The following OTUD7A variants were observed in gnomAD, a reference collection of about 807,000 sequenced individuals.
OTUD7A encodes OTU deubiquitinase 7A.
OTUD7A carries 12 observed loss-of-function variants against 65.7 expected under a neutral mutation model. That is an observed-to-expected ratio of 0.18 (90% CI 0.12 to 0.30). OTUD7A has a LOEUF of 0.30. OTUD7A is among the 10% of genes least tolerant of loss of function. The pLI is 1.00. For missense variants in OTUD7A, 1,148 were observed against 1,304.8 expected, an observed-to-expected ratio of 0.88 and a Z score of 1.85; for synonymous variants, 641 against 586.3, an observed-to-expected ratio of 1.09 and a Z score of -1.35.
chr15:31,527,048 G>T, intron 7 of OTUD7A, 133 bp downstream of exon 7: 1 of 1,343,488 alleles, frequency 7.4e-7, no homozygotes, highest in Non-Finnish European at 1.0e-6. Context: ...AGACTTTCCT[G>T]ATCCCAGGGG....
intron 3 of OTUD7A, among the ~76,000 whole-genome samples, chr15:31,610,615 ATATTTTTTT>A (rs1283182552): frequency 1.8e-4 from 6 of 32,848 alleles, no homozygotes; most frequent in African/African-American, 8.7e-4. Context: ...ATATATATAT[ATATTTTTTT>A]TTTTTTTTTT....
intron 1 of OTUD7A, among the ~76,000 whole-genome samples, chr15:31,851,885 G>T (rs1009119986): frequency 6.6e-6 from 1 of 152,174 alleles, no homozygotes; most frequent in Non-Finnish European, 1.5e-5. Flanking sequence ...TTGAGACAGG[G>T]TGTCGCTCTG....
At chr15:31,655,071 G>A in intron 3 of OTUD7A, 25 bp downstream of exon 3, 1 of 1,610,726 alleles carries the variant, frequency 6.2e-7, no homozygotes, top group South Asian at 1.1e-5. Context: ...GAATGGTGGT[G>A]TGGGGAACAA....
intron 5 of OTUD7A, among the ~76,000 whole-genome samples, chr15:31,543,382 AAACACC>A (rs1888040568): frequency 6.6e-6 from 1 of 151,904 alleles, no homozygotes; most frequent in African/African-American, 2.4e-5. Context: ...AGGAGAGAAT[AAACACC>A]ACATTGAATG....
chr15:31,824,557 GAA>G (rs753708947), intron 1 of OTUD7A, among the ~76,000 whole-genome samples: 9 of 152,154 alleles, frequency 5.9e-5, no homozygotes, highest in Non-Finnish European at 1.0e-4. Context: ...AAAACATTAT[GAA>G]AAGTCTTGAA....
intron 1 of OTUD7A, among the ~76,000 whole-genome samples, chr15:31,771,871 T>A (rs1895244065): frequency 6.6e-6 from 1 of 152,168 alleles, no homozygotes; most frequent in Non-Finnish European, 1.5e-5. Context: ...CTCATCCATG[T>A]TGTCTTGATG....
chr15:31,528,253 G>C (rs146385235), intron 6 of OTUD7A, among the ~76,000 whole-genome samples: 10 of 152,338 alleles, frequency 6.6e-5, no homozygotes, highest in African/African-American at 2.4e-4. Flanking sequence ...GGCGTGAATG[G>C]AGACATAGGA....
intron 8 of OTUD7A, among the ~76,000 whole-genome samples, chr15:31,507,450 C>T (rs80347369): frequency 0.015 from 2,237 of 152,156 alleles, 60 homozygotes; most frequent in African/African-American, 0.052. Context: ...GTAGTGTATC[C>T]GGAGTTGGTT....
intron 10 of OTUD7A, among the ~76,000 whole-genome samples, chr15:31,488,035 G>C (rs1386128408): frequency 1.3e-5 from 2 of 152,206 alleles, no homozygotes; most frequent in African/African-American, 2.4e-5. Context: ...CCACAAGTCT[G>C]TATCAGTGCC....
intron 3 of OTUD7A, among the ~76,000 whole-genome samples, chr15:31,627,520 T>G (rs1448962781): frequency 1.3e-5 from 2 of 152,110 alleles, no homozygotes; most frequent in African/African-American, 2.4e-5. Flanking sequence ...TTCCAAGTCT[T>G]TGCTATTGTG....
chr15:31,827,100 C>T (rs932433482), intron 1 of OTUD7A, among the ~76,000 whole-genome samples: 3 of 152,216 alleles, frequency 2.0e-5, no homozygotes, highest in Non-Finnish European at 4.4e-5. Flanking sequence ...CACATTTTCA[C>T]GTATCTTTTC....
At chr15:31,617,931 C>A (rs561626813) in intron 3 of OTUD7A, among the ~76,000 whole-genome samples, 1 of 146,054 alleles carries the variant, frequency 6.8e-6, no homozygotes, top group Admixed American at 6.9e-5. Flanking sequence ...CTGCCCCCTC[C>A]GCCCACCCCA....
intron 3 of OTUD7A, among the ~76,000 whole-genome samples, chr15:31,598,166 G>A (rs1308586706): frequency 6.6e-6 from 1 of 152,158 alleles, no homozygotes; most frequent in East Asian, 1.9e-4. Context: ...TTGACATGTG[G>A]GCACGCCCTA....
intron 5 of OTUD7A, among the ~76,000 whole-genome samples, chr15:31,555,651 T>A (rs1205954175): frequency 6.6e-6 from 1 of 151,928 alleles, no homozygotes; most frequent in African/African-American, 2.4e-5. Context: ...CGGCTGAGGG[T>A]CTTCACGTGA....
At chr15:31,821,960 T>C (rs1896693986) in intron 1 of OTUD7A, among the ~76,000 whole-genome samples, 1 of 152,242 alleles carries the variant, frequency 6.6e-6, no homozygotes, top group East Asian at 1.9e-4. Flanking sequence ...TATTGAGCTG[T>C]CTTTTTATTA....
At chr15:31,513,785 T>C (rs1566895203) in intron 8 of OTUD7A, among the ~76,000 whole-genome samples, 1 of 152,222 alleles carries the variant, frequency 6.6e-6, no homozygotes. Context: ...CCCTGCAGAC[T>C]ACTAATTTTT....
intron 1 of OTUD7A, among the ~76,000 whole-genome samples, chr15:31,678,794 G>C (rs1161617626): frequency 6.6e-6 from 1 of 152,236 alleles, no homozygotes; most frequent in Admixed American, 6.5e-5. Context: ...GGAAATGTGG[G>C]GTCACAGCCC....
intron 1 of OTUD7A, among the ~76,000 whole-genome samples, chr15:31,777,359 C>T (rs143152625): frequency 2.0e-5 from 3 of 152,286 alleles, no homozygotes; most frequent in Non-Finnish European, 4.4e-5. Flanking sequence ...CTATAGTACC[C>T]CAATGACTTG....
intron 1 of OTUD7A, among the ~76,000 whole-genome samples, chr15:31,805,768 C>T (rs1276627671): frequency 2.0e-5 from 3 of 152,336 alleles, no homozygotes; most frequent in East Asian, 1.9e-4. Flanking sequence ...AGCTAAGAGA[C>T]AGCCTGAGTT....
Sources: allele counts gnomAD v4.1 joint callset (sites outside exome capture counted in the v4.1 genomes callset), GRCh38; gene constraint gnomAD v4.1.1; transcripts MANE v1.5; gene names NCBI Gene and HGNC (gene_info 2026-07-23, HGNC 2026-07-21).